The following SENP7 variants were observed in gnomAD, a reference collection of about 807,000 sequenced individuals.
The protein encoded by SENP7 is SUMO specific peptidase 7.
A neutral mutation model predicts 141.2 loss-of-function variants in SENP7; 64 were observed. The ratio of observed to expected loss-of-function variants is 0.45; its 90% CI spans 0.37 to 0.56. The LOEUF (loss-of-function observed/expected upper bound fraction) is 0.56, where lower values mean the gene tolerates loss of function less well. Ranked by LOEUF, SENP7 falls within the 20% of genes least tolerant of loss-of-function variation. The pLI is 0.00. For synonymous variants in SENP7, 382 were observed against 426.4 expected (o/e 0.90, Z 1.28); for missense variants, 1,025 against 1,212.2 (o/e 0.85, Z 2.29).
chr3:101,443,934 T>C (rs1029339931), intron 4 of SENP7, among the ~76,000 whole-genome samples: 1 of 150,984 alleles, frequency 6.6e-6, no homozygotes, highest in South Asian at 2.1e-4. Flanking sequence ...CAAAAGAAAC[T>C]ACCATCAGAG....
At chr3:101,465,248 C>A (rs2063723174) in intron 3 of SENP7, among the ~76,000 whole-genome samples, 1 of 152,206 alleles carries the variant, frequency 6.6e-6, no homozygotes, top group South Asian at 2.1e-4. Context: ...ACCCCCGCCA[C>A]TGGCTCAGAC....
chr3:101,448,139 C>G (rs1553737565), intron 4 of SENP7, among the ~76,000 whole-genome samples: 1 of 152,088 alleles, frequency 6.6e-6, no homozygotes, highest in Admixed American at 6.5e-5. Flanking sequence ...AACTATAAAA[C>G]TCTTAGAAGA....
chr3:101,463,386 T>TATATATAC (rs1375554278), intron 3 of SENP7, among the ~76,000 whole-genome samples: 4 of 92,324 alleles, frequency 4.3e-5, no homozygotes, highest in African/African-American at 1.9e-4. Flanking sequence ...TATATATATA[T>TATATATAC]ATATATATAT....
chr3:101,453,173 C>G (rs1312852516), intron 4 of SENP7, among the ~76,000 whole-genome samples: 1 of 152,300 alleles, frequency 6.6e-6, no homozygotes, highest in East Asian at 1.9e-4. Flanking sequence ...GAGATACCAT[C>G]TCACACCAGT....
chr3:101,356,563 ACT>A (rs749904314), intron 11 of SENP7, among the ~76,000 whole-genome samples: 62 of 152,238 alleles, frequency 4.1e-4, no homozygotes, highest in Non-Finnish European at 6.9e-4. Context: ...TATACTCAAC[ACT>A]CTGATTTCGT....
At chr3:101,478,126 A>G (rs2064297592) in intron 3 of SENP7, among the ~76,000 whole-genome samples, 1 of 152,132 alleles carries the variant, frequency 6.6e-6, no homozygotes, top group Non-Finnish European at 1.5e-5. Flanking sequence ...AAACTGAAAA[A>G]CTTAGAAAAA....
At position 101,375,626 on chromosome 3, in the gene SENP7, A is replaced by AAAGG. The variant is rs566779513; in HGVS notation, c.678-3504_678-3501dup. On this transcript the variant is annotated intron_variant, in intron 6 of 23. Transcript: ENST00000394095. ...CAATCCCACTCCTAGGTATATACCC[A>AAAGG]AAGGAATTGAAAGCAGGTACATGAA... Among the ~76,000 whole-genome samples, 6 of 152,104 alleles carry AAAGG rather than the reference A, an allele frequency of 3.9e-5. No homozygotes were observed. In the South Asian group the frequency reaches 1.2e-3, roughly 32 times the overall value.
At chr3:101,442,920 T>A (rs982260634) in intron 4 of SENP7, among the ~76,000 whole-genome samples, 9 of 152,154 alleles carry the variant, frequency 5.9e-5, no homozygotes, top group African/African-American at 2.2e-4. Flanking sequence ...AGATTTCAGT[T>A]GTTTCAGAGG....
chr3:101,435,680 CAAT>C (rs2062360147), intron 4 of SENP7, among the ~76,000 whole-genome samples: 1 of 151,786 alleles, frequency 6.6e-6, no homozygotes, highest in African/African-American at 2.4e-5. Context: ...ATCTCATTTA[CAAT>C]AATAGCCACA....
chr3:101,335,333 A>C lies in SENP7; in HGVS notation c.2480+2176T>G, dbSNP rs542749081. 3.3e-5 allele frequency among the ~76,000 whole-genome samples: 5 copies of C among 152,324 alleles called. No individual in the cohort carries two copies. In the East Asian group the frequency reaches 9.6e-4, roughly 29 times the overall value. On this transcript the variant is annotated intron_variant, in intron 17 of 23. Transcript: ENST00000394095. ...GTAGCTTCTCAACACTAGTAGTTAGAGCCTTTTGATGTGGATTTATTGGCC... is the reference window on the plus strand; with the variant it reads ...GTAGCTTCTCAACACTAGTAGTTAGCGCCTTTTGATGTGGATTTATTGGCC...
At chr3:101,442,302 A>G (rs1007913131) in intron 4 of SENP7, among the ~76,000 whole-genome samples, 4 of 152,200 alleles carry the variant, frequency 2.6e-5, no homozygotes, top group Admixed American at 1.3e-4. Flanking sequence ...CAATTTTTCC[A>G]CAGACCACGG....
chr3:101,403,698 G>A (rs776920366), intron 5 of SENP7, among the ~76,000 whole-genome samples: 10 of 152,120 alleles, frequency 6.6e-5, no homozygotes, highest in Non-Finnish European at 1.2e-4. Context: ...AGCTCCTTCA[G>A]CTGATAAAAC....
intron 4 of SENP7, among the ~76,000 whole-genome samples, chr3:101,443,141 G>A (rs1310480334): frequency 2.0e-5 from 3 of 152,112 alleles, no homozygotes; most frequent in Non-Finnish European, 4.4e-5. Flanking sequence ...GTGTAAGGAA[G>A]GGATCCAGTT....
At chr3:101,345,960 C>T (rs1228708609) in intron 13 of SENP7, among the ~76,000 whole-genome samples, 2 of 152,090 alleles carry the variant, frequency 1.3e-5, no homozygotes, top group African/African-American at 4.8e-5. Flanking sequence ...GCAAAAAGAA[C>T]AGTCAGCAGA....
intron 6 of SENP7, among the ~76,000 whole-genome samples, chr3:101,393,363 T>C (rs552464217): frequency 6.6e-6 from 1 of 152,140 alleles, no homozygotes; most frequent in Non-Finnish European, 1.5e-5. Flanking sequence ...TTAAAAGCTT[T>C]TGTACAACCA....
chr3:101,355,451 C>A (rs1016319484), intron 11 of SENP7, among the ~76,000 whole-genome samples: 1 of 152,136 alleles, frequency 6.6e-6, no homozygotes, highest in South Asian at 2.1e-4. Flanking sequence ...ATCTTAGCAC[C>A]GTTTATTGAA....
At chr3:101,430,780 TGTC>T (rs1197896173) in intron 4 of SENP7, among the ~76,000 whole-genome samples, 17 of 152,230 alleles carry the variant, frequency 1.1e-4, no homozygotes, top group African/African-American at 3.9e-4. Flanking sequence ...GATGTTAGGG[TGTC>T]GATTTTAGAT....
intron 4 of SENP7, among the ~76,000 whole-genome samples, chr3:101,449,529 AACTC>A (rs1376498010): frequency 6.6e-6 from 1 of 152,250 alleles, no homozygotes; most frequent in African/African-American, 2.4e-5. Context: ...TCTTGGCAGA[AACTC>A]TACAGGCCAG....
At chr3:101,441,314 C>T (rs1490651640) in intron 4 of SENP7, among the ~76,000 whole-genome samples, 1 of 152,178 alleles carries the variant, frequency 6.6e-6, no homozygotes, top group Non-Finnish European at 1.5e-5. Context: ...CTACAGCCAA[C>T]ACCCATGCAC....
Sources: gnomAD v4.1 joint callset for allele counts (sites outside exome capture counted in the v4.1 genomes callset) on GRCh38, gnomAD v4.1.1 for gene constraint, MANE v1.5 for transcripts, NCBI Gene and HGNC (gene_info 2026-07-23, HGNC 2026-07-21) for gene names.